The following GALNT17 variants were observed in gnomAD, a reference collection of about 807,000 sequenced individuals.
The protein encoded by GALNT17 is UDP-GalNAc:polypeptide N-acetylgalactosaminyltransferase-like 3.
A neutral mutation model predicts 63.7 loss-of-function variants in GALNT17; 29 were observed. That is an observed-to-expected ratio of 0.46 (90% CI 0.34 to 0.62). The LOEUF (loss-of-function observed/expected upper bound fraction) is 0.62. GALNT17 is among the 20% of genes least tolerant of loss of function. The pLI, the probability that GALNT17 is intolerant of heterozygous loss-of-function variation, is 0.01. For synonymous variants in GALNT17, 305 were observed against 318.3 expected, an observed-to-expected ratio of 0.96 and a Z score of 0.45; for missense variants, 603 against 799.6, an observed-to-expected ratio of 0.75 and a Z score of 2.97.
At chr7:71,621,805 G>A (rs542806950) in intron 6 of GALNT17, among the ~76,000 whole-genome samples, 1 of 152,216 alleles carries the variant, frequency 6.6e-6, no homozygotes, top group South Asian at 2.1e-4. Flanking sequence ...GGTTCCCTTG[G>A]CCTCTCTTCC....
chr7:71,320,522 A>T (rs771392159), intron 1 of GALNT17, among the ~76,000 whole-genome samples: 1 of 152,048 alleles, frequency 6.6e-6, no homozygotes, highest in Non-Finnish European at 1.5e-5. Context: ...AAGCACTGGG[A>T]TTACAGATGT....
chr7:71,285,189 C>A (rs1416998307), intron 1 of GALNT17, among the ~76,000 whole-genome samples: 1 of 152,168 alleles, frequency 6.6e-6, no homozygotes, highest in South Asian at 2.1e-4. Context: ...CCTTTCTGAT[C>A]CTTTTTTTCC....
chr7:71,592,594 T>TAAAAC (rs1789826157), intron 6 of GALNT17, among the ~76,000 whole-genome samples: 1 of 150,352 alleles, frequency 6.7e-6, no homozygotes, highest in Non-Finnish European at 1.5e-5. Context: ...TAAAATAAAA[T>TAAAAC]AAAATAAAAT....
In GALNT17 at chr7:71,565,101, T is replaced by C. The variant is rs182398226; in HGVS notation, c.963-6184T>C. Among the ~76,000 whole-genome samples the C allele has an allele frequency of 2.8e-4, 42 of 152,200 alleles. 1 individual carries two copies. The East Asian group carries it at 7.9e-3, about 29-fold the overall frequency. The stretch of plus-strand genomic sequence containing the variant: ...GGCCAACATGGTGCAACCCTGTCTC[T>C]ACTAAACATACAAAAATTAGCCGGG... On this transcript the variant is annotated intron_variant, in intron 5 of 10. Coordinates refer to ENST00000333538, the MANE Select transcript of GALNT17 (RefSeq NM_022479.3).
At chr7:71,436,287 G>C (rs186049408) in intron 5 of GALNT17, among the ~76,000 whole-genome samples, 2 of 152,274 alleles carry the variant, frequency 1.3e-5, no homozygotes, top group Non-Finnish European at 2.9e-5. Flanking sequence ...GCTGCAGTGA[G>C]CTGTAATCAT....
chr7:71,384,574 C>T (rs925338582), intron 2 of GALNT17, among the ~76,000 whole-genome samples: 6 of 152,078 alleles, frequency 3.9e-5, no homozygotes, highest in Admixed American at 6.6e-5. Context: ...CCAGAGAACA[C>T]GGACCTTCAT....
intron 6 of GALNT17, among the ~76,000 whole-genome samples, chr7:71,642,198 TCCTTC>T (rs1790613730): frequency 2.6e-5 from 4 of 152,262 alleles, no homozygotes; most frequent in Admixed American, 2.6e-4. Context: ...TCCCAAAGAA[TCCTTC>T]CCTTACAGCA....
intron 5 of GALNT17, among the ~76,000 whole-genome samples, chr7:71,497,265 CTG>C (rs1788111659): frequency 6.6e-6 from 1 of 152,288 alleles, no homozygotes; most frequent in East Asian, 1.9e-4. Context: ...ATTGTGCAAA[CTG>C]TGTGCCATAG....
At chr7:71,301,242 G>A (rs1255237486) in intron 1 of GALNT17, among the ~76,000 whole-genome samples, 1 of 151,588 alleles carries the variant, frequency 6.6e-6, no homozygotes, top group Non-Finnish European at 1.5e-5. Context: ...AGCTAAGATC[G>A]CTCCACTACA....
intron 6 of GALNT17, among the ~76,000 whole-genome samples, chr7:71,594,794 A>G (rs1300993997): frequency 1.3e-5 from 2 of 152,166 alleles, no homozygotes; most frequent in African/African-American, 4.8e-5. Flanking sequence ...AACTGTAATC[A>G]TTTTATTATC....
intron 2 of GALNT17, among the ~76,000 whole-genome samples, chr7:71,356,890 T>G (rs1410944039): frequency 6.6e-6 from 1 of 152,174 alleles, no homozygotes; most frequent in Non-Finnish European, 1.5e-5. Flanking sequence ...CAAGCAGTTC[T>G]TCTGCCTCAG....
intron 1 of GALNT17, among the ~76,000 whole-genome samples, chr7:71,250,032 G>T (rs1466715698): frequency 6.6e-6 from 1 of 152,134 alleles, no homozygotes; most frequent in African/African-American, 2.4e-5. Context: ...GAACATATGA[G>T]TTTTTATAAA....
At chr7:71,396,776 CTCTAA>C (rs2116371821) in intron 3 of GALNT17, among the ~76,000 whole-genome samples, 1 of 151,926 alleles carries the variant, frequency 6.6e-6, no homozygotes, top group Non-Finnish European at 1.5e-5. Flanking sequence ...TTATTTATGT[CTCTAA>C]TCTCTTTCAA....
At chr7:71,546,622 A>G (rs974405079) in intron 5 of GALNT17, among the ~76,000 whole-genome samples, 3 of 152,206 alleles carry the variant, frequency 2.0e-5, no homozygotes, top group Non-Finnish European at 1.5e-5. Flanking sequence ...AGAACAAGGT[A>G]CTCAACCTTT....
intron 9 of GALNT17, among the ~76,000 whole-genome samples, chr7:71,690,799 T>G (rs1791432774): frequency 6.6e-6 from 1 of 152,160 alleles, no homozygotes; most frequent in African/African-American, 2.4e-5. Context: ...GCAAGAGAAC[T>G]AGAACCAAAA....
intron 5 of GALNT17, among the ~76,000 whole-genome samples, chr7:71,430,618 C>A (rs1786844582): frequency 6.6e-6 from 1 of 152,138 alleles, no homozygotes; most frequent in African/African-American, 2.4e-5. Flanking sequence ...CAATGATTAA[C>A]AATTTAGCAA....
chr7:71,399,330 C>T (rs776399147), intron 3 of GALNT17, among the ~76,000 whole-genome samples: 5 of 152,148 alleles, frequency 3.3e-5, no homozygotes, highest in Non-Finnish European at 5.9e-5. Context: ...CTGGTCTGTC[C>T]ATTTTACCCC....
chr7:71,484,962 CTTTTTTTT>C (rs779772231), intron 5 of GALNT17, among the ~76,000 whole-genome samples: 2 of 47,558 alleles, frequency 4.2e-5, no homozygotes, highest in Admixed American at 3.1e-4. Context: ...CCACACCTGG[CTTTTTTTT>C]TTTTTTTTTT....
At chr7:71,423,899 G>A (rs900138616) in intron 5 of GALNT17, among the ~76,000 whole-genome samples, 1 of 152,158 alleles carries the variant, frequency 6.6e-6, no homozygotes, top group South Asian at 2.1e-4. Context: ...TCCAGCCTGG[G>A]CAATAGAAGG....
Sources: gnomAD v4.1 joint callset for allele counts (sites outside exome capture counted in the v4.1 genomes callset) on GRCh38, gnomAD v4.1.1 for gene constraint, MANE v1.5 for transcripts, NCBI Gene and HGNC (gene_info 2026-07-23, HGNC 2026-07-21) for gene names.